The following MYL10 variants were observed in gnomAD, a reference collection of about 807,000 sequenced individuals.
MYL10 encodes myosin regulatory light chain 10.
MYL10 carries 18 observed loss-of-function variants against 21.9 expected under a neutral mutation model. The ratio of observed to expected loss-of-function variants is 0.82; its 90% CI spans 0.57 to 1.22. The LOEUF (loss-of-function observed/expected upper bound fraction) is 1.22. Ranked by LOEUF, MYL10 falls within the 50% of genes most tolerant of loss-of-function variation. The pLI is 0.00. For synonymous variants in MYL10, 88 were observed against 82.8 expected (o/e 1.06, Z -0.34); for missense variants, 225 against 230.4 (o/e 0.98, Z 0.15).
rs377721255 is a variant in MYL10, at chr7:101,624,209, G to C, written c.134C>G (p.Ser45Cys). The C allele has an allele frequency of 6.2e-7, 1 of 1,613,672 alleles. No individual in the cohort carries two copies. Among genetic ancestry groups the C allele is most frequent in the Non-Finnish European group, 8.5e-7 (1 of 1,179,848 alleles). Reference protein sequence around the residue: ...AEGTASSNVFSMFDQSQIQEF... With the variant: ...AEGTASSNVFCMFDQSQIQEF... ...CTGGATCTGGGACTGATCAAACATG[G>C]AGAAGACGTTGGAGCTGGCGGTGCC... is the stretch of plus-strand genomic sequence containing the variant. Residue 45 changes from serine (S) to cysteine (C), a missense_variant, in exon 2 of 8, where the codon TCC becomes TGC. Physicochemically the swap from Ser to Cys is moderately radical, Grantham distance 112 (BLOSUM62 -1). Coordinates refer to ENST00000223167, the MANE Select transcript of MYL10 (RefSeq NM_138403.5).
intron 1 of MYL10, among the ~76,000 whole-genome samples, chr7:101,625,718 A>G (rs970499620): frequency 1.3e-5 from 2 of 152,234 alleles, no homozygotes; most frequent in African/African-American, 4.8e-5. Context: ...ATGATGCTGT[A>G]AAACCTCTGT....
chr7:101,623,010 G>A lies in MYL10; in HGVS notation c.336C>T (p.Thr112=). 1 of 1,614,018 alleles carries A rather than the reference G, an allele frequency of 6.2e-7. No individual in the cohort carries two copies. Among genetic ancestry groups the A allele is most frequent in the African/African-American group, 1.3e-5 (1 of 75,070 alleles). The change falls in exon 4 of 8, where the codon ACC becomes ACT. Residue 112 remains threonine (T), a synonymous_variant. Transcript: ENST00000223167. ...TGGCTCACCCACCCAGCGCGGCAAA[G>A]GTGTCCCTCAAGTCCTCTTTGTCGA... The part of the protein sequence containing the change: ...GFIDKEDLRD[T]FAALGRINVK...
At chr7:101,623,747 G>T (rs1049695247) in intron 3 of MYL10, among the ~76,000 whole-genome samples, 173 bp downstream of exon 3, 1 of 150,270 alleles carries the variant, frequency 6.7e-6, no homozygotes, top group Non-Finnish European at 1.5e-5. Flanking sequence ...AGTAATGGGC[G>T]CTGGGCACTG....
At position 101,624,186 on chromosome 7, in the gene MYL10, G is replaced by A. The variant is rs563466610; in HGVS notation, c.157C>T (p.Gln53Ter). The change falls in exon 2 of 8, where the codon CAG (glutamine) becomes TAG (stop). Residue 53 changes from glutamine (Q) to a stop codon, truncating the protein, a stop_gained. Coordinates refer to ENST00000223167, the MANE Select transcript of MYL10 (RefSeq NM_138403.5). LOFTEE classifies it high-confidence loss of function. ...AGCAGACCAACCTCTTTAAACTCCT[G>A]GATCTGGGACTGATCAAACATGGAG... ...VFSMFDQSQIQEFKESLALSP... is the reference protein window; with the variant it reads ...VFSMFDQSQI 6.2e-7 allele frequency: 1 copy of A among 1,611,404 alleles called. No individual in the cohort carries two copies. The highest frequency in any genetic ancestry group is 1.3e-5 in the African/African-American group (1 of 74,858).
chr7:101,621,931 G>A (rs866586314), intron 5 of MYL10, among the ~76,000 whole-genome samples, 165 bp downstream of exon 5: 2 of 152,182 alleles, frequency 1.3e-5, no homozygotes, highest in Non-Finnish European at 2.9e-5. Flanking sequence ...TGAAGAGAGG[G>A]AAACCGAGGC....
rs571358189 is a variant in MYL10, at chr7:101,616,933, G to A, written c.455-635C>T. Among the ~76,000 whole-genome samples, 11 of 152,358 alleles carry A rather than the reference G, an allele frequency of 7.2e-5. No individual in the cohort carries two copies. The South Asian group carries it at 2.1e-3, about 29-fold the overall frequency. ...AAGTTCTGCTTTTATCCCGGTCACAGCACAGCCTTGGGGAGAGATGTCATT... is the reference window on the plus strand; with the variant it reads ...AAGTTCTGCTTTTATCCCGGTCACAACACAGCCTTGGGGAGAGATGTCATT... On this transcript the variant is annotated intron_variant, in intron 5 of 7. Transcript: ENST00000223167.
chr7:101,619,562 C>T (rs1796651960), intron 5 of MYL10, among the ~76,000 whole-genome samples: 1 of 152,172 alleles, frequency 6.6e-6, no homozygotes, highest in Non-Finnish European at 1.5e-5. Context: ...TCGGATCACC[C>T]TGTGGTGGAC....
At position 101,616,750 on chromosome 7, in the gene MYL10, G is replaced by A. The variant is rs56050610; in HGVS notation, c.455-452C>T. 9.3e-3 allele frequency among the ~76,000 whole-genome samples: 1,412 copies of A among 152,230 alleles called. 14 individuals are homozygous for A. The highest frequency in any genetic ancestry group is 0.017 in the Non-Finnish European group (1,129 of 68,018). ...CCCAAGCTGTGCACAAGAGGCCGTG[G>A]GTGGAGGAAAAAGAGTTCTGTACGT... On this transcript the variant is annotated intron_variant, in intron 5 of 7. Coordinates refer to ENST00000223167, the MANE Select transcript of MYL10 (RefSeq NM_138403.5).
At chr7:101,623,217 A>C (rs1796702253) in intron 3 of MYL10, 145 bp from the exon 4 acceptor site, 1 of 636,458 alleles carries the variant, frequency 1.6e-6, no homozygotes, top group Non-Finnish European at 2.7e-6. Flanking sequence ...TCCATCCCCA[A>C]CCCCTCATTT....
At chr7:101,615,551 G>A (rs1796598869) in intron 6 of MYL10, among the ~76,000 whole-genome samples, 1 of 146,238 alleles carries the variant, frequency 6.8e-6, no homozygotes. Flanking sequence ...CACATGCCAA[G>A]CCCTGGCCCT....
chr7:101,615,845 C>T (rs893019569), intron 6 of MYL10, among the ~76,000 whole-genome samples: 5 of 151,614 alleles, frequency 3.3e-5, no homozygotes, highest in East Asian at 1.9e-4. Flanking sequence ...CAGGCATGCA[C>T]CACCATGCCT....
intron 6 of MYL10, 24 bp downstream of exon 6, chr7:101,616,196 T>C (rs559214759): frequency 1.4e-5 from 23 of 1,606,590 alleles, no homozygotes; most frequent in Non-Finnish European, 1.6e-5. Flanking sequence ...CCTGAGCATT[T>C]TGGGGGAGTC....
intron 1 of MYL10, among the ~76,000 whole-genome samples, chr7:101,628,151 A>G (rs578256012): frequency 6.6e-6 from 1 of 152,360 alleles, no homozygotes; most frequent in Admixed American, 6.5e-5. Context: ...AGAAAGCAAC[A>G]GGACAAATAA....
At chr7:101,617,332 G>A (rs1383164209) in intron 5 of MYL10, among the ~76,000 whole-genome samples, 1 of 152,244 alleles carries the variant, frequency 6.6e-6, no homozygotes, top group Non-Finnish European at 1.5e-5. Flanking sequence ...CTCTATGCCT[G>A]CAGCTTTAAG....
intron 1 of MYL10, among the ~76,000 whole-genome samples, chr7:101,625,564 C>T (rs559499193): frequency 4.9e-4 from 74 of 152,076 alleles, no homozygotes; most frequent in African/African-American, 1.7e-3. Flanking sequence ...CTGCCCCCAG[C>T]TCACTGCTGT....
intron 4 of MYL10, among the ~76,000 whole-genome samples, chr7:101,622,406 G>A (rs1159606062): frequency 6.6e-6 from 1 of 152,156 alleles, no homozygotes; most frequent in African/African-American, 2.4e-5. Context: ...AAGGGAGCAA[G>A]TCACTCTCAT....
intron 6 of MYL10, 82 bp downstream of exon 6, chr7:101,616,138 G>T: frequency 8.6e-7 from 1 of 1,168,692 alleles, no homozygotes; most frequent in Non-Finnish European, 1.3e-6. Context: ...TGGGAGAGGA[G>T]ACTGGGCGAC....
chr7:101,618,597 A>T (rs576391507), intron 5 of MYL10, among the ~76,000 whole-genome samples: 2 of 152,282 alleles, frequency 1.3e-5, no homozygotes, highest in Non-Finnish European at 2.9e-5. Flanking sequence ...CAAACCTCAT[A>T]AAATCTGCTA....
chr7:101,619,594 A>G (rs1436993666), intron 5 of MYL10, among the ~76,000 whole-genome samples: 1 of 152,180 alleles, frequency 6.6e-6, no homozygotes, highest in Non-Finnish European at 1.5e-5. Flanking sequence ...CCCTAAAAAG[A>G]GACGTCCACC....
Sources: gnomAD v4.1 joint callset for allele counts (sites outside exome capture counted in the v4.1 genomes callset) on GRCh38, gnomAD v4.1.1 for gene constraint, MANE v1.5 for transcripts, NCBI Gene and HGNC (gene_info 2026-07-23, HGNC 2026-07-21) for gene names.